Variants in SCAPER observed in about 807,000 individuals in gnomAD.
SCAPER encodes the protein S phase cyclin A-associated protein in the endoplasmic reticulum.
In SCAPER, 98 loss-of-function variants were observed where a neutral mutation model predicts 182.2. That is an observed-to-expected ratio of 0.54 (90% CI 0.46 to 0.64). The LOEUF is 0.64. SCAPER is among the 30% of genes least tolerant of loss of function. SCAPER has a pLI of 0.00. For missense variants in SCAPER, 1,432 were observed against 1,690.0 expected (o/e 0.85, Z 2.68); for synonymous variants, 605 against 564.6 (o/e 1.07, Z -1.01).
chr15:76,632,825 T>A (rs920560564), intron 21 of SCAPER, among the ~76,000 whole-genome samples: 2 of 142,632 alleles, frequency 1.4e-5, no homozygotes, highest in African/African-American at 2.7e-5. Context: ...CAGGCTGGAG[T>A]GCAGTGGCAC....
chr15:76,728,210 T>C (rs1243447367), intron 17 of SCAPER, among the ~76,000 whole-genome samples: 1 of 147,500 alleles, frequency 6.8e-6, no homozygotes, highest in Non-Finnish European at 1.5e-5. Context: ...ACCAGACTAT[T>C]TCCATCAAAA....
chr15:76,701,125 G>A (rs2058923939), intron 20 of SCAPER, among the ~76,000 whole-genome samples: 1 of 149,940 alleles, frequency 6.7e-6, no homozygotes. Flanking sequence ...ATATACACAT[G>A]CACCTACATA....
intron 24 of SCAPER, among the ~76,000 whole-genome samples, chr15:76,474,292 G>T (rs2050445563): frequency 6.6e-6 from 1 of 152,186 alleles, no homozygotes; most frequent in African/African-American, 2.4e-5. Context: ...CAGGTGTTGT[G>T]CTAGGTGGAT....
intron 29 of SCAPER, among the ~76,000 whole-genome samples, 194 bp downstream of exon 29, chr15:76,375,968 G>C (rs972138173): frequency 6.6e-6 from 1 of 152,208 alleles, no homozygotes; most frequent in Non-Finnish European, 1.5e-5. Context: ...CTGGGTGATA[G>C]AGCGAGCCTC....
chr15:76,657,767 C>T (rs551100356), intron 21 of SCAPER, among the ~76,000 whole-genome samples: 6 of 152,074 alleles, frequency 3.9e-5, no homozygotes, highest in African/African-American at 1.4e-4. Context: ...TCAACAAACA[C>T]AAATCAATAT....
At chr15:76,576,539 C>T (rs902967472) in intron 22 of SCAPER, among the ~76,000 whole-genome samples, 1 of 152,090 alleles carries the variant, frequency 6.6e-6, no homozygotes, top group Non-Finnish European at 1.5e-5. Flanking sequence ...ACAGGAACAC[C>T]AAATTGAACA....
Position 76,778,912 on chromosome 15 carries a change from T to C in SCAPER, c.773-3795A>G, listed in dbSNP as rs578033025. On this transcript the variant is annotated intron_variant, in intron 8 of 31. Transcript: ENST00000563290. ...GCTGAAAGTAAAAGAACAGAAAAGA[T>C]ATGCCATGCAAACATTAATAAATCA... 2.0e-5 allele frequency among the ~76,000 whole-genome samples: 3 copies of C among 152,096 alleles called. No individual in the cohort carries two copies. The South Asian group carries it at 6.2e-4, about 32-fold the overall frequency.
intron 25 of SCAPER, among the ~76,000 whole-genome samples, chr15:76,462,628 T>G (rs1174633626): frequency 6.6e-6 from 1 of 152,196 alleles, no homozygotes; most frequent in Admixed American, 6.5e-5. Flanking sequence ...TTTACACTGA[T>G]GAAGGTACAA....
intron 5 of SCAPER, among the ~76,000 whole-genome samples, chr15:76,839,069 A>T (rs757829429): frequency 6.6e-6 from 1 of 152,254 alleles, no homozygotes; most frequent in Non-Finnish European, 1.5e-5. Flanking sequence ...TAAAGTAGCC[A>T]ATGTCATAAA....
chr15:76,359,595 G>A (rs1348881749), intron 29 of SCAPER, among the ~76,000 whole-genome samples: 2 of 152,218 alleles, frequency 1.3e-5, no homozygotes, highest in Admixed American at 1.3e-4. Context: ...CTAATAGGCT[G>A]GTGTTGTGGG....
At chr15:76,776,649 A>G (rs962667436) in intron 8 of SCAPER, among the ~76,000 whole-genome samples, 26 of 152,170 alleles carry the variant, frequency 1.7e-4, no homozygotes, top group South Asian at 6.2e-4. Flanking sequence ...GCAGGGAGCC[A>G]GGATCCCACC....
chr15:76,416,655 C>T (rs1035385767), intron 26 of SCAPER, among the ~76,000 whole-genome samples: 3 of 152,146 alleles, frequency 2.0e-5, no homozygotes, highest in African/African-American at 7.2e-5. Context: ...GGTATATTCT[C>T]TGACCCAGAA....
intron 26 of SCAPER, among the ~76,000 whole-genome samples, chr15:76,423,523 A>G (rs1321945490): frequency 1.3e-5 from 2 of 152,014 alleles, no homozygotes; most frequent in Non-Finnish European, 2.9e-5. Flanking sequence ...CTTCTTTATT[A>G]GTCTTGCTAG....
chr15:76,712,638 T>C (rs1423697327), intron 17 of SCAPER, among the ~76,000 whole-genome samples: 2 of 152,172 alleles, frequency 1.3e-5, no homozygotes, highest in African/African-American at 4.8e-5. Flanking sequence ...CAGTTCTCCT[T>C]GAAGAGGTCC....
chr15:76,428,754 A>G (rs1328455900), intron 26 of SCAPER, among the ~76,000 whole-genome samples: 2 of 151,346 alleles, frequency 1.3e-5, no homozygotes, highest in African/African-American at 4.9e-5. Context: ...GGTTAACAGT[A>G]AAGTGTTGTA....
intron 25 of SCAPER, among the ~76,000 whole-genome samples, chr15:76,451,944 T>C (rs2048392950): frequency 6.6e-6 from 1 of 152,166 alleles, no homozygotes; most frequent in Non-Finnish European, 1.5e-5. Flanking sequence ...TATTTGCCAT[T>C]CTAATTTCTA....
At chr15:76,505,142 A>G (rs1012649711) in intron 23 of SCAPER, among the ~76,000 whole-genome samples, 168 bp from the exon 24 acceptor site, 2 of 152,206 alleles carry the variant, frequency 1.3e-5, no homozygotes, top group Non-Finnish European at 2.9e-5. Context: ...ACTAGGAAAT[A>G]TAGGTCAAAA....
chr15:76,805,309 T>C (rs77667197), intron 5 of SCAPER, among the ~76,000 whole-genome samples: 245 of 152,340 alleles, frequency 1.6e-3, no homozygotes, highest in Non-Finnish European at 2.2e-3. Flanking sequence ...CTGAGTCATA[T>C]GATAACTCTA....
At chr15:76,781,201 G>C (rs1425185089) in intron 8 of SCAPER, among the ~76,000 whole-genome samples, 2 of 152,218 alleles carry the variant, frequency 1.3e-5, no homozygotes, top group Non-Finnish European at 2.9e-5. Context: ...TAAATGACCT[G>C]ATAGAACTGA....
Sources: allele counts gnomAD v4.1 joint callset (sites outside exome capture counted in the v4.1 genomes callset), GRCh38; gene constraint gnomAD v4.1.1; transcripts MANE v1.5; gene names NCBI Gene and HGNC (gene_info 2026-07-23, HGNC 2026-07-21).